Variants in CSMD1 observed in about 807,000 individuals in gnomAD.
CSMD1 encodes CUB and sushi domain-containing protein 1.
In CSMD1, 213 loss-of-function variants were observed where a neutral mutation model predicts 417.5. The ratio of observed to expected loss-of-function variants is 0.51; its 90% CI spans 0.46 to 0.57. CSMD1 has a LOEUF of 0.57. Among genes scored for constraint, CSMD1 ranks in the 20% least tolerant of loss-of-function variants. The pLI is 0.00. For missense variants in CSMD1, 6,923 were observed against 4,529.7 expected (o/e 1.53, Z -15.17); for synonymous variants, 2,862 against 1,736.8 (o/e 1.65, Z -16.11).
chr8:4,772,350 C>A (rs1369298578), intron 1 of CSMD1, among the ~76,000 whole-genome samples: 1 of 152,150 alleles, frequency 6.6e-6, no homozygotes, highest in African/African-American at 2.4e-5. Context: ...TTTCTGACTC[C>A]ATTCAAAGAA....
intron 3 of CSMD1, among the ~76,000 whole-genome samples, chr8:4,258,275 G>A (rs1381116947): frequency 2.3e-5 from 3 of 133,252 alleles, no homozygotes; most frequent in African/African-American, 8.7e-5. Flanking sequence ...GTCGCTGTGA[G>A]CTATTATGGT....
At chr8:3,299,835 A>C (rs180681190) in intron 25 of CSMD1, among the ~76,000 whole-genome samples, 1 of 152,248 alleles carries the variant, frequency 6.6e-6, no homozygotes, top group Non-Finnish European at 1.5e-5. Context: ...TTAAGGACTG[A>C]AAAGCCTTTG....
intron 3 of CSMD1, among the ~76,000 whole-genome samples, chr8:4,407,406 A>T (rs1805107206): frequency 6.6e-6 from 1 of 152,208 alleles, no homozygotes; most frequent in African/African-American, 2.4e-5. Context: ...ACTTGTGTTT[A>T]GGTTGCTGCA....
intron 5 of CSMD1, among the ~76,000 whole-genome samples, chr8:3,973,827 A>G (rs1813237954): frequency 6.6e-6 from 1 of 152,162 alleles, no homozygotes. Flanking sequence ...TATGTGTTTA[A>G]TATGTAGTTG....
At chr8:3,530,634 G>A (rs1032612376) in intron 10 of CSMD1, among the ~76,000 whole-genome samples, 3 of 152,248 alleles carry the variant, frequency 2.0e-5, no homozygotes, top group African/African-American at 7.2e-5. Context: ...TGATTCTCCT[G>A]CCTCAGCTTC....
intron 1 of CSMD1, among the ~76,000 whole-genome samples, chr8:4,712,703 T>A (rs990122520): frequency 6.0e-4 from 92 of 152,342 alleles, no homozygotes; most frequent in African/African-American, 2.1e-3. Context: ...AGTGACGGTG[T>A]GTTTTTTTCT....
intron 6 of CSMD1, among the ~76,000 whole-genome samples, chr8:3,736,185 T>C (rs1369631321): frequency 6.6e-6 from 1 of 152,222 alleles, no homozygotes; most frequent in Non-Finnish European, 1.5e-5. Flanking sequence ...TCATATTCTA[T>C]GTGTATTAAC....
chr8:3,494,982 C>T (rs954510686), intron 10 of CSMD1, among the ~76,000 whole-genome samples: 1 of 152,082 alleles, frequency 6.6e-6, no homozygotes, highest in Non-Finnish European at 1.5e-5. Flanking sequence ...CTTTTCCAAG[C>T]AATGCCAAAA....
At chr8:4,160,534 G>C (rs377030098) in intron 3 of CSMD1, among the ~76,000 whole-genome samples, 88 of 152,332 alleles carry the variant, frequency 5.8e-4, no homozygotes, top group African/African-American at 1.9e-3. Context: ...GCAAGGAAAA[G>C]GAGATTTTCA....
intron 4 of CSMD1, among the ~76,000 whole-genome samples, chr8:4,003,563 TTTC>T (rs1815872151): frequency 6.6e-6 from 1 of 152,210 alleles, no homozygotes; most frequent in African/African-American, 2.4e-5. Context: ...AGTTTCAATC[TTTC>T]TTATTATGAT....
At position 4,693,298 on chromosome 8, in the gene CSMD1, A is replaced by T. The variant is rs541620934; in HGVS notation, c.86-55740T>A. ...TGGAGAGGTAGATAGGGAAGAAGGA[A>T]TAGCAAAAACATCATAACTTTGTAT... On this transcript the variant is annotated intron_variant, in intron 1 of 69. Transcript: ENST00000635120. Among the ~76,000 whole-genome samples the T allele has an allele frequency of 6.6e-5, 10 of 152,358 alleles. No homozygotes were observed. The South Asian group carries it at 2.1e-3, about 32-fold the overall frequency.
intron 3 of CSMD1, among the ~76,000 whole-genome samples, chr8:4,406,314 C>T (rs1805017226): frequency 6.6e-6 from 1 of 152,004 alleles, no homozygotes; most frequent in African/African-American, 2.4e-5. Context: ...ATTGGGCTTC[C>T]AGTTGTGAAT....
intron 1 of CSMD1, among the ~76,000 whole-genome samples, chr8:4,844,177 G>A (rs752682403): frequency 1.3e-5 from 2 of 152,144 alleles, no homozygotes; most frequent in Non-Finnish European, 2.9e-5. Context: ...TCTACTACAC[G>A]TAGCACTGGA....
rs200296436 is a variant in CSMD1, at chr8:3,981,500, T to TAAAAAAAA, written c.818+16395_818+16402dup. Among the ~76,000 whole-genome samples, 201 of 115,022 alleles carry TAAAAAAAA rather than the reference T, an allele frequency of 1.7e-3. 1 individual carries two copies. Among genetic ancestry groups the TAAAAAAAA allele is most frequent in the Non-Finnish European group, 2.2e-3 (128 of 57,596 alleles). 75.5% of individuals were successfully genotyped at this position (115,022 alleles called of 152,430 possible). On this transcript the variant is annotated intron_variant, in intron 5 of 69. Coordinates refer to ENST00000635120, the MANE Select transcript of CSMD1 (RefSeq NM_033225.6). ...TACTCCAATAACTTATAGAAAAAAG[T>TAAAAAAAA]AAAAAAAAAAAAAAAAAAAAAAAAA...
chr8:3,472,956 C>G (rs773934442), intron 11 of CSMD1, among the ~76,000 whole-genome samples: 1 of 152,070 alleles, frequency 6.6e-6, no homozygotes, highest in South Asian at 2.1e-4. Context: ...TTTCCAACCT[C>G]TCAGCTGAAC....
intron 3 of CSMD1, among the ~76,000 whole-genome samples, chr8:4,263,101 C>A (rs886099124): frequency 6.6e-6 from 1 of 152,032 alleles, no homozygotes; most frequent in African/African-American, 2.4e-5. Context: ...CATTTAAAAG[C>A]AGTATTATTT....
At chr8:4,710,020 G>A (rs1245999139) in intron 1 of CSMD1, among the ~76,000 whole-genome samples, 1 of 152,166 alleles carries the variant, frequency 6.6e-6, no homozygotes, top group Non-Finnish European at 1.5e-5. Context: ...TCACTTGATA[G>A]TTCAAATAGG....
intron 26 of CSMD1, among the ~76,000 whole-genome samples, chr8:3,233,043 A>G (rs191346177): frequency 6.6e-6 from 1 of 151,994 alleles, no homozygotes; most frequent in Non-Finnish European, 1.5e-5. Context: ...GATTGTTTAA[A>G]TTTTCATACA....
intron 1 of CSMD1, among the ~76,000 whole-genome samples, chr8:4,824,740 C>T (rs966759702): frequency 1.2e-4 from 18 of 152,134 alleles, no homozygotes; most frequent in Non-Finnish European, 1.3e-4. Context: ...AATAACACTG[C>T]TGGAACTTGT....
Sources: gnomAD v4.1 joint callset for allele counts (sites outside exome capture counted in the v4.1 genomes callset) on GRCh38, gnomAD v4.1.1 for gene constraint, MANE v1.5 for transcripts, NCBI Gene and HGNC (gene_info 2026-07-23, HGNC 2026-07-21) for gene names.